The following LRMDA variants were observed in gnomAD, a reference collection of about 807,000 sequenced individuals.
LRMDA encodes the protein leucine rich melanocyte differentiation associated.
In LRMDA, 18 loss-of-function variants were observed where a neutral mutation model predicts 29.8. The ratio of observed to expected loss-of-function variants is 0.60; its 90% CI spans 0.42 to 0.90. The LOEUF (loss-of-function observed/expected upper bound fraction) is 0.90. Ranked by LOEUF, LRMDA falls within the 40% of genes least tolerant of loss-of-function variation. The probability of loss-of-function intolerance (pLI) is 0.00; values close to 1 mark genes in which losing one functional copy is unlikely to be tolerated. For synonymous variants in LRMDA, 125 were observed against 109.4 expected (o/e 1.14, Z -0.89); for missense variants, 273 against 273.9 (o/e 1.00, Z 0.02).
intron 2 of LRMDA, among the ~76,000 whole-genome samples, chr10:75,526,583 T>C (rs1339020494): frequency 3.3e-5 from 5 of 152,058 alleles, no homozygotes; most frequent in Non-Finnish European, 7.4e-5. Flanking sequence ...CTAAGTGTGG[T>C]GGCTCACACC....
intron 5 of LRMDA, among the ~76,000 whole-genome samples, chr10:76,302,459 G>A (rs1164998022): frequency 1.3e-5 from 2 of 152,158 alleles, no homozygotes; most frequent in Non-Finnish European, 2.9e-5. Context: ...GTGAGACTGT[G>A]CCATGTATTT....
intron 4 of LRMDA, among the ~76,000 whole-genome samples, chr10:76,057,252 T>G (rs1848631013): frequency 6.6e-6 from 1 of 152,228 alleles, no homozygotes; most frequent in African/African-American, 2.4e-5. Context: ...CTATGCTTAT[T>G]CCTAATTTCT....
intron 5 of LRMDA, among the ~76,000 whole-genome samples, chr10:76,275,640 T>C (rs1221145342): frequency 6.6e-6 from 1 of 152,152 alleles, no homozygotes; most frequent in Non-Finnish European, 1.5e-5. Context: ...TGAACCATAT[T>C]GCTTTGGTCT....
chr10:75,527,358 C>A (rs1845425598), intron 2 of LRMDA, among the ~76,000 whole-genome samples: 1 of 152,134 alleles, frequency 6.6e-6, no homozygotes, highest in African/African-American at 2.4e-5. Flanking sequence ...CATTCTTGTG[C>A]AGCTTTTTGT....
At chr10:76,194,803 A>G (rs1377713773) in intron 5 of LRMDA, among the ~76,000 whole-genome samples, 2 of 152,230 alleles carry the variant, frequency 1.3e-5, no homozygotes, top group Non-Finnish European at 2.9e-5. Flanking sequence ...TTTTATCAAA[A>G]GGCCACAAAA....
chr10:75,926,020 A>G (rs1846114599), intron 2 of LRMDA, among the ~76,000 whole-genome samples: 1 of 152,222 alleles, frequency 6.6e-6, no homozygotes, highest in Admixed American at 6.5e-5. Context: ...CAGAGAGGTT[A>G]AGTAACTTGC....
intron 5 of LRMDA, among the ~76,000 whole-genome samples, chr10:76,200,347 G>A (rs976479250): frequency 6.6e-6 from 1 of 152,162 alleles, no homozygotes; most frequent in African/African-American, 2.4e-5. Flanking sequence ...GTTAGAGAGT[G>A]ATTATTCTAA....
intron 5 of LRMDA, among the ~76,000 whole-genome samples, chr10:76,124,823 A>T (rs574288109): frequency 3.3e-5 from 5 of 152,336 alleles, no homozygotes; most frequent in Non-Finnish European, 7.3e-5. Flanking sequence ...TTGCCAGCCG[A>T]TTCCTTAAAT....
At chr10:75,948,147 T>G (rs1846508952) in intron 2 of LRMDA, among the ~76,000 whole-genome samples, 1 of 152,188 alleles carries the variant, frequency 6.6e-6, no homozygotes, top group Non-Finnish European at 1.5e-5. Flanking sequence ...ATTTAATGGT[T>G]GGTGATTGTG....
intron 5 of LRMDA, among the ~76,000 whole-genome samples, chr10:76,203,998 C>G (rs1010618302): frequency 1.2e-4 from 18 of 147,414 alleles, no homozygotes; most frequent in African/African-American, 4.0e-4. Context: ...TTCCATGTGC[C>G]CATCCACCCA....
chr10:75,708,817 C>T (rs940052250), intron 2 of LRMDA, among the ~76,000 whole-genome samples: 2 of 152,192 alleles, frequency 1.3e-5, no homozygotes, highest in Admixed American at 1.3e-4. Flanking sequence ...GTCTGCTTTT[C>T]CCATAGCAGC....
Position 76,369,524 on chromosome 10 carries a change from C to T in LRMDA, c.601+45039C>T, listed in dbSNP as rs561122400. 3.9e-5 allele frequency among the ~76,000 whole-genome samples: 6 copies of T among 152,258 alleles called. No individual in the cohort carries two copies. In the South Asian group the frequency reaches 1.2e-3, roughly 32 times the overall value. On this transcript the variant is annotated intron_variant, in intron 6 of 6. Coordinates refer to ENST00000611255, the MANE Select transcript of LRMDA (RefSeq NM_001305581.2). ...TTCCTTTATAGGTTACCTGGTGCTT[C>T]TGTCTCATAGCTCTTAAGATTCTTT...
intron 2 of LRMDA, among the ~76,000 whole-genome samples, chr10:75,671,484 C>CAGGG (rs1841890732): frequency 2.0e-5 from 3 of 152,146 alleles, no homozygotes; most frequent in Admixed American, 1.3e-4. Flanking sequence ...ATGTCCTTTG[C>CAGGG]AGGGACATGG....
chr10:76,014,106 GTATATA>G (rs1341556157), intron 2 of LRMDA, among the ~76,000 whole-genome samples: 4 of 73,242 alleles, frequency 5.5e-5, no homozygotes, highest in African/African-American at 1.4e-4. Context: ...AAAAAAAAAA[GTATATA>G]TATATATATA....
chr10:76,136,764 T>A (rs1048233958), intron 5 of LRMDA, among the ~76,000 whole-genome samples: 1 of 152,218 alleles, frequency 6.6e-6, no homozygotes, highest in African/African-American at 2.4e-5. Flanking sequence ...CATAAGTTTT[T>A]AAAATCCGAT....
At chr10:75,700,033 C>G (rs1010710513) in intron 2 of LRMDA, among the ~76,000 whole-genome samples, 3 of 152,148 alleles carry the variant, frequency 2.0e-5, no homozygotes, top group Non-Finnish European at 4.4e-5. Context: ...GAGTGTGGCC[C>G]TGCTGTCACC....
At chr10:76,447,155 T>C (rs568031779) in intron 6 of LRMDA, among the ~76,000 whole-genome samples, 29 of 152,248 alleles carry the variant, frequency 1.9e-4, no homozygotes, top group African/African-American at 6.7e-4. Context: ...ATGGAAACTC[T>C]TGCGTTAATT....
intron 6 of LRMDA, among the ~76,000 whole-genome samples, chr10:76,541,669 T>C (rs1843357416): frequency 6.6e-6 from 1 of 152,154 alleles, no homozygotes; most frequent in South Asian, 2.1e-4. Context: ...TTGGCATTTA[T>C]TTCTCCTTCT....
At chr10:76,257,669 A>G (rs1230754203) in intron 5 of LRMDA, among the ~76,000 whole-genome samples, 2 of 152,188 alleles carry the variant, frequency 1.3e-5, no homozygotes, top group Non-Finnish European at 2.9e-5. Context: ...TTGGTTACAG[A>G]TGATAAAACA....
Sources: gnomAD v4.1 joint callset for allele counts (sites outside exome capture counted in the v4.1 genomes callset) on GRCh38, gnomAD v4.1.1 for gene constraint, MANE v1.5 for transcripts, NCBI Gene and HGNC (gene_info 2026-07-23, HGNC 2026-07-21) for gene names.